ZBTB20: variants seen among roughly 807,000 people sequenced by gnomAD.
ZBTB20 encodes zinc finger and BTB domain containing 20, also known as zinc finger and BTB domain-containing protein 20.
In ZBTB20, 9 loss-of-function variants were observed where a neutral mutation model predicts 56.9. That is an observed-to-expected ratio of 0.16 (90% CI 0.10 to 0.28). The LOEUF (loss-of-function observed/expected upper bound fraction) is 0.28, where lower values mean the gene tolerates loss of function less well. ZBTB20 is among the 10% of genes least tolerant of loss of function. The pLI is 1.00. For synonymous variants in ZBTB20, 417 were observed against 420.7 expected (o/e 0.99, Z 0.11); for missense variants, 655 against 1,003.0 (o/e 0.65, Z 4.69).
At chr3:115,103,739 A>G (rs1315508172) in intron 1 of ZBTB20, among the ~76,000 whole-genome samples, 1 of 152,244 alleles carries the variant, frequency 6.6e-6, no homozygotes, top group African/African-American at 2.4e-5. Context: ...TAAAATGCAA[A>G]ATTCTAAGAC....
intron 2 of ZBTB20, among the ~76,000 whole-genome samples, chr3:115,047,868 C>A (rs2081390171): frequency 6.6e-6 from 1 of 152,088 alleles, no homozygotes; most frequent in South Asian, 2.1e-4. Flanking sequence ...GTTCCTCAGT[C>A]CCAGAGATGC....
At chr3:114,720,267 A>C (rs991079971) in intron 5 of ZBTB20, among the ~76,000 whole-genome samples, 7 of 149,770 alleles carry the variant, frequency 4.7e-5, no homozygotes, top group African/African-American at 9.7e-5. Context: ...ATTTAAATAT[A>C]TATCTAAATA....
intron 1 of ZBTB20, among the ~76,000 whole-genome samples, chr3:115,135,729 T>C (rs1309971422): frequency 1.3e-5 from 2 of 152,186 alleles, no homozygotes; most frequent in African/African-American, 4.8e-5. Flanking sequence ...TTACCCTCTA[T>C]ATTGTTCACA....
intron 5 of ZBTB20, among the ~76,000 whole-genome samples, chr3:114,782,557 A>C: frequency 6.6e-6 from 1 of 152,226 alleles, no homozygotes; most frequent in East Asian, 1.9e-4. Flanking sequence ...TTCTTTTTTA[A>C]AAATGCATGA....
chr3:115,140,927 CTT>C (rs1001379645), intron 1 of ZBTB20, among the ~76,000 whole-genome samples: 4 of 152,056 alleles, frequency 2.6e-5, no homozygotes, highest in African/African-American at 4.8e-5. Context: ...AGGCTGGCTG[CTT>C]TGTTTGACTA....
rs189836386 is a variant in ZBTB20, at chr3:114,923,987, C to A, written c.-455-23645G>T. On this transcript the variant is annotated intron_variant, in intron 3 of 11. Coordinates refer to ENST00000675478, the MANE Select transcript of ZBTB20 (RefSeq NM_001348800.3). ...TTAAAAAGTGCTCAACATCAATAAT[C>A]ATCAGGGAAATGCACATCAAAACTA... Among the ~76,000 whole-genome samples the A allele has an allele frequency of 5.9e-5, 9 of 152,208 alleles. No individual in the cohort carries two copies. The East Asian group carries it at 1.7e-3, about 29-fold the overall frequency.
intron 6 of ZBTB20, among the ~76,000 whole-genome samples, chr3:114,581,135 T>C (rs1176271025): frequency 1.3e-5 from 2 of 151,982 alleles, no homozygotes; most frequent in African/African-American, 2.4e-5. Context: ...ACAGATTTGA[T>C]ATAGGCAAAA....
chr3:114,854,320 A>G (rs2075141125), intron 4 of ZBTB20, among the ~76,000 whole-genome samples: 1 of 152,222 alleles, frequency 6.6e-6, no homozygotes, highest in Non-Finnish European at 1.5e-5. Flanking sequence ...ATCAAAGATA[A>G]TAGAGGCTAA....
intron 3 of ZBTB20, among the ~76,000 whole-genome samples, chr3:114,967,556 A>T (rs1211288462): frequency 6.6e-6 from 1 of 152,144 alleles, no homozygotes; most frequent in African/African-American, 2.4e-5. Flanking sequence ...GACACTGGGC[A>T]TTTTGTAGGC....
intron 7 of ZBTB20, among the ~76,000 whole-genome samples, chr3:114,481,700 C>T (rs2041565313): frequency 6.6e-6 from 1 of 152,190 alleles, no homozygotes; most frequent in African/African-American, 2.4e-5. Flanking sequence ...TCCATCCTTC[C>T]CTAATAGTCA....
chr3:114,843,847 T>G (rs1203093008), intron 4 of ZBTB20, among the ~76,000 whole-genome samples: 1 of 150,214 alleles, frequency 6.7e-6, no homozygotes, highest in Non-Finnish European at 1.5e-5. Context: ...CGGCTAATTT[T>G]TTTTTTTTTT....
At chr3:114,708,061 T>C (rs1221612775) in intron 5 of ZBTB20, among the ~76,000 whole-genome samples, 3 of 152,220 alleles carry the variant, frequency 2.0e-5, no homozygotes, top group Non-Finnish European at 2.9e-5. Context: ...GTAAGGTTTT[T>C]TCTTTCTTTT....
chr3:114,883,688 T>C (rs971251605), intron 4 of ZBTB20, among the ~76,000 whole-genome samples: 1 of 152,132 alleles, frequency 6.6e-6, no homozygotes, highest in Non-Finnish European at 1.5e-5. Flanking sequence ...TGTGACTTAA[T>C]ATTCCTATCA....
chr3:114,883,447 A>G (rs1239688834), intron 4 of ZBTB20, among the ~76,000 whole-genome samples: 2 of 152,206 alleles, frequency 1.3e-5, no homozygotes, highest in African/African-American at 4.8e-5. Context: ...AGCCACAACC[A>G]CGAAGCTGAC....
intron 2 of ZBTB20, among the ~76,000 whole-genome samples, chr3:114,988,873 G>C (rs2078672846): frequency 6.6e-6 from 1 of 152,120 alleles, no homozygotes; most frequent in Non-Finnish European, 1.5e-5. Flanking sequence ...ATTTTTTCAT[G>C]TCTCTGTTGG....
intron 1 of ZBTB20, among the ~76,000 whole-genome samples, chr3:115,112,662 T>A (rs1191272032): frequency 6.6e-6 from 1 of 152,218 alleles, no homozygotes; most frequent in Non-Finnish European, 1.5e-5. Context: ...TAGTATTTCA[T>A]TGTGTGTATA....
chr3:115,087,267 T>C (rs1576747398), intron 1 of ZBTB20, among the ~76,000 whole-genome samples: 1 of 151,840 alleles, frequency 6.6e-6, no homozygotes, highest in East Asian at 1.9e-4. Context: ...TAAATAGGTG[T>C]CCATTACATT....
chr3:114,773,607 G>T (rs1156230637), intron 5 of ZBTB20, among the ~76,000 whole-genome samples: 1 of 152,048 alleles, frequency 6.6e-6, no homozygotes, highest in Non-Finnish European at 1.5e-5. Flanking sequence ...CTTCCTCACA[G>T]GCAAGAATAC....
In ZBTB20 at chr3:114,350,735, A is replaced by G. The variant is rs1243229028; in HGVS notation, c.1343T>C (p.Val448Ala). The change falls in exon 11 of 12, where the codon GTC becomes GCC. Residue 448 changes from valine to alanine, a missense_variant. Val to Ala is a moderately conservative substitution (Grantham distance 64, BLOSUM62 0). This residue lies in a region of ZBTB20 where 156 missense variants were observed against 181.0 expected (regional missense o/e 0.86). Coordinates refer to ENST00000675478, the MANE Select transcript of ZBTB20 (RefSeq NM_001348800.3). ...EVEMDSTVIT[V>A]SNSSDKSVLQ... is the part of the protein sequence containing the mutation. ...GACGCTCTTGTCGGAGCTGTTGCTG[A>G]CAGTGATAACAGTGCTGTCCATCTC... The G allele has an allele frequency of 1.2e-6, 2 of 1,614,062 alleles. No individual in the cohort carries two copies. Among genetic ancestry groups the G allele is most frequent in the African/African-American group, 1.3e-5 (1 of 74,936 alleles).
Sources: gnomAD v4.1 joint callset for allele counts (sites outside exome capture counted in the v4.1 genomes callset) on GRCh38, gnomAD v4.1.1 for gene constraint, gnomAD v4.1.1 regional missense constraint, MANE v1.5 for transcripts, NCBI Gene and HGNC (gene_info 2026-07-23, HGNC 2026-07-21) for gene names.